CDS1: variants seen among roughly 807,000 people sequenced by gnomAD.
CDS1 encodes the protein CDP-diacylglycerol synthase 1.
A neutral mutation model predicts 62.1 loss-of-function variants in CDS1; 41 were observed. That is an observed-to-expected ratio of 0.66 (90% CI 0.51 to 0.86). CDS1 has a LOEUF of 0.86. Among genes scored for constraint, CDS1 ranks in the 40% least tolerant of loss-of-function variants. The pLI is 0.00. For missense variants in CDS1, 470 were observed against 550.1 expected, an observed-to-expected ratio of 0.85 and a Z score of 1.46; for synonymous variants, 185 against 192.6, an observed-to-expected ratio of 0.96 and a Z score of 0.32.
intron 12 of CDS1, among the ~76,000 whole-genome samples, chr4:84,647,504 A>G (rs917564229): frequency 6.6e-6 from 1 of 152,214 alleles, no homozygotes; most frequent in Non-Finnish European, 1.5e-5. Flanking sequence ...ACCTGCTGAC[A>G]CAATTTTGCA....
At chr4:84,635,628 TTCCTTCCTTCC>T (rs1724171784) in intron 8 of CDS1, among the ~76,000 whole-genome samples, 8 of 61,152 alleles carry the variant, frequency 1.3e-4, no homozygotes, top group African/African-American at 5.0e-4. Context: ...CCTGCCTGCC[TTCCTTCCTTCC>T]TTCCTTCCTT....
Position 84,642,160 on chromosome 4 carries a change from T to C in CDS1, c.1033-864T>C, listed in dbSNP as rs1724404385. Among the ~76,000 whole-genome samples the C allele has an allele frequency of 4.6e-5, 7 of 152,090 alleles. No homozygotes were observed. In the South Asian group the frequency reaches 1.4e-3, roughly 31 times the overall value. ...CTGACCAAAAGGTGAAACCCATGTC[T>C]ACTAAACATAAAAAATTAGCCAGTC... On this transcript the variant is annotated intron_variant, in intron 10 of 12. Coordinates refer to ENST00000295887, the MANE Select transcript of CDS1 (RefSeq NM_001263.4).
chr4:84,640,187 A>G (rs1222628934), intron 9 of CDS1, among the ~76,000 whole-genome samples: 1 of 148,508 alleles, frequency 6.7e-6, no homozygotes, highest in South Asian at 2.1e-4. Context: ...ATATATATAA[A>G]ATAAACTGGT....
intron 5 of CDS1, 45 bp from the exon 6 acceptor site, chr4:84,631,774 T>C: frequency 6.5e-7 from 1 of 1,531,182 alleles, no homozygotes; most frequent in Non-Finnish European, 9.0e-7. Flanking sequence ...CTTAACCCTT[T>C]GTACCAAATT....
intron 1 of CDS1, among the ~76,000 whole-genome samples, chr4:84,588,540 A>G (rs1722485984): frequency 6.6e-6 from 1 of 152,072 alleles, no homozygotes; most frequent in South Asian, 2.1e-4. Context: ...CTCCCTAAAA[A>G]TTTGGAGGCT....
intron 3 of CDS1, among the ~76,000 whole-genome samples, chr4:84,610,010 TC>T (rs961581280): frequency 4.2e-5 from 6 of 141,934 alleles, no homozygotes; most frequent in Non-Finnish European, 6.0e-5. Flanking sequence ...ACAGACCATC[TC>T]AAAAAAAAAA....
At chr4:84,636,063 G>GT (rs943463234) in intron 8 of CDS1, among the ~76,000 whole-genome samples, 45 of 151,988 alleles carry the variant, frequency 3.0e-4, no homozygotes, top group African/African-American at 1.1e-3. Flanking sequence ...GGGCTCTGTG[G>GT]TTTTTTCTCT....
intron 5 of CDS1, among the ~76,000 whole-genome samples, chr4:84,628,866 A>G (rs1560478549): frequency 6.6e-6 from 1 of 152,018 alleles, no homozygotes; most frequent in African/African-American, 2.4e-5. Flanking sequence ...ACCTCTCTTT[A>G]GTTTGTTGGG....
chr4:84,637,315 T>C (rs1464127956), intron 8 of CDS1, among the ~76,000 whole-genome samples: 1 of 152,168 alleles, frequency 6.6e-6, no homozygotes, highest in East Asian at 1.9e-4. Flanking sequence ...CACACTGCTA[T>C]AAAGAAATGC....
chr4:84,583,661 C>G (rs1269134498), intron 1 of CDS1, 143 bp downstream of exon 1: 1 of 559,858 alleles, frequency 1.8e-6, no homozygotes, highest in Admixed American at 3.8e-5. Context: ...CCTGGCACTG[C>G]TTCCTCCTTC....
At chr4:84,630,370 T>C (rs1046371974) in intron 5 of CDS1, among the ~76,000 whole-genome samples, 9 of 152,124 alleles carry the variant, frequency 5.9e-5, no homozygotes, top group African/African-American at 1.7e-4. Flanking sequence ...GATTACCTCA[T>C]AGATGACAAA....
intron 1 of CDS1, among the ~76,000 whole-genome samples, chr4:84,588,211 C>G (rs1722475999): frequency 6.6e-6 from 1 of 152,120 alleles, no homozygotes; most frequent in South Asian, 2.1e-4. Context: ...CAGGTAAGAT[C>G]CCTGTGTGTT....
intron 1 of CDS1, among the ~76,000 whole-genome samples, chr4:84,596,365 G>A (rs184007947): frequency 3.3e-5 from 5 of 152,254 alleles, no homozygotes; most frequent in East Asian, 3.9e-4. Context: ...AAGATGTCCC[G>A]GTAGGACCAT....
At chr4:84,648,100 T>G (rs1225013891) in intron 12 of CDS1, among the ~76,000 whole-genome samples, 1 of 152,230 alleles carries the variant, frequency 6.6e-6, no homozygotes, top group Non-Finnish European at 1.5e-5. Context: ...TCCCTGGAGA[T>G]ATTTTTCAAC....
At chr4:84,620,815 C>T (rs1285777551) in intron 5 of CDS1, among the ~76,000 whole-genome samples, 1 of 152,064 alleles carries the variant, frequency 6.6e-6, no homozygotes. Flanking sequence ...AATCCCAGCA[C>T]TTTGGGAGGC....
chr4:84,632,309 G>T (rs966183889), intron 6 of CDS1, among the ~76,000 whole-genome samples: 1 of 152,152 alleles, frequency 6.6e-6, no homozygotes, highest in East Asian at 1.9e-4. Context: ...GTTAGTCATA[G>T]AATTGTGTAA....
chr4:84,592,012 A>C (rs1263206243), intron 1 of CDS1, among the ~76,000 whole-genome samples: 3 of 152,218 alleles, frequency 2.0e-5, no homozygotes, highest in Non-Finnish European at 4.4e-5. Context: ...ATCAATTTCA[A>C]GAAATCATTA....
At chr4:84,622,121 T>C (rs1723705353) in intron 5 of CDS1, among the ~76,000 whole-genome samples, 1 of 152,226 alleles carries the variant, frequency 6.6e-6, no homozygotes, top group Non-Finnish European at 1.5e-5. Flanking sequence ...CTGGAATGGA[T>C]TCTTTTTTTA....
chr4:84,641,438 A>G (rs1490261059), intron 10 of CDS1, among the ~76,000 whole-genome samples: 1 of 152,196 alleles, frequency 6.6e-6, no homozygotes, highest in Admixed American at 6.5e-5. Context: ...TAGAATTTTT[A>G]ATTCTTTGAT....
Sources: allele counts gnomAD v4.1 joint callset (sites outside exome capture counted in the v4.1 genomes callset), GRCh38; gene constraint gnomAD v4.1.1; transcripts MANE v1.5; gene names NCBI Gene and HGNC (gene_info 2026-07-23, HGNC 2026-07-21).